The following SHQ1 variants were observed in gnomAD, a reference collection of about 807,000 sequenced individuals.
SHQ1 encodes the protein SHQ1, H/ACA ribonucleoprotein assembly factor.
A neutral mutation model predicts 53.8 loss-of-function variants in SHQ1; 49 were observed. That is an observed-to-expected ratio of 0.91 (90% CI 0.72 to 1.16). The LOEUF (loss-of-function observed/expected upper bound fraction) is 1.16. SHQ1 is among the 50% of genes most tolerant of loss of function. The pLI, the probability that SHQ1 is intolerant of heterozygous loss-of-function variation, is 0.00. For synonymous variants in SHQ1, 243 were observed against 251.0 expected (o/e 0.97, Z 0.30); for missense variants, 738 against 683.1 (o/e 1.08, Z -0.90).
intron 10 of SHQ1, among the ~76,000 whole-genome samples, chr3:72,775,506 G>GT (rs1364662993): frequency 4.2e-5 from 6 of 142,118 alleles, no homozygotes; most frequent in Non-Finnish European, 6.0e-5. Context: ...TTCAAGGAAT[G>GT]TATCATTTCA....
At chr3:72,779,397 C>T (rs1706027084) in intron 10 of SHQ1, among the ~76,000 whole-genome samples, 1 of 152,196 alleles carries the variant, frequency 6.6e-6, no homozygotes, top group Non-Finnish European at 1.5e-5. Context: ...CCTCCTTCTC[C>T]TCCTAATCCC....
At chr3:72,835,106 CT>C (rs761840255) in intron 4 of SHQ1, among the ~76,000 whole-genome samples, 1,321 of 130,774 alleles carry the variant, frequency 0.01, 9 homozygotes, top group African/African-American at 0.023. Flanking sequence ...CCATCAGCTT[CT>C]TTTTTTTTTT....
At chr3:72,769,132 A>G (rs1371352677) in intron 10 of SHQ1, among the ~76,000 whole-genome samples, 1 of 152,228 alleles carries the variant, frequency 6.6e-6, no homozygotes, top group East Asian at 1.9e-4. Context: ...GATGGAGTCT[A>G]GCAGGCAGGT....
chr3:72,765,773 G>A lies in SHQ1; in HGVS notation c.1182-14937C>T, dbSNP rs546844761. ...TCGCCATGTTGGCCAGGTTGGTCTC[G>A]AACTCCTGACCTCAGGTGATCTGCC... On this transcript the variant is annotated intron_variant, in intron 10 of 10. Transcript: ENST00000325599. Among the ~76,000 whole-genome samples the A allele has an allele frequency of 4.0e-5, 6 of 151,610 alleles. No homozygotes were observed. The South Asian group carries it at 1.0e-3, about 26-fold the overall frequency.
rs763540975 is a variant in SHQ1 at position 72,817,371 on chromosome 3, T to G, written c.741A>C (p.Glu247Asp). 10 of 1,609,524 alleles carry G rather than the reference T, an allele frequency of 6.2e-6. 1 individual carries two copies. The Admixed American group carries it at 1.7e-4, about 27-fold the overall frequency. ...ENHATLVSFS[E>D]EEKYQLRKFV... ...ATTTTCGTAGCTGATACTTCTCTTCTTCAGAAAAAGACACTAGAAGAAAAC... is the reference window on the plus strand; with the variant it reads ...ATTTTCGTAGCTGATACTTCTCTTCGTCAGAAAAAGACACTAGAAGAAAAC... The change falls in exon 7 of 11, where the codon GAA (glutamate) becomes GAC (aspartate). Residue 247 changes from glutamate (E) to aspartate (D), a missense_variant. Glu to Asp is a conservative substitution (Grantham distance 45). Transcript: ENST00000325599.
intron 10 of SHQ1, among the ~76,000 whole-genome samples, chr3:72,758,933 C>A (rs1209997059): frequency 1.3e-5 from 2 of 152,182 alleles, no homozygotes; most frequent in Non-Finnish European, 2.9e-5. Flanking sequence ...GGCAGAATCC[C>A]TTCCATGCCC....
intron 10 of SHQ1, among the ~76,000 whole-genome samples, chr3:72,772,155 G>A (rs1705867232): frequency 6.6e-6 from 1 of 152,010 alleles, no homozygotes; most frequent in African/African-American, 2.4e-5. Flanking sequence ...TGATTTAGTT[G>A]GGTTCGTCAG....
intron 1 of SHQ1, chr3:72,846,117 C>A: frequency 5.9e-6 from 7 of 1,193,006 alleles, no homozygotes; most frequent in Non-Finnish European, 8.3e-6. Context: ...AACAGGTGAG[C>A]ATTCAGAAAA....
intron 9 of SHQ1, among the ~76,000 whole-genome samples, chr3:72,802,123 C>A (rs1390089536): frequency 6.6e-6 from 1 of 152,200 alleles, no homozygotes; most frequent in Non-Finnish European, 1.5e-5. Flanking sequence ...CATGTAAGTA[C>A]TTTACATATG....
chr3:72,728,497 G>A, the SHQ1 span, among the ~76,000 whole-genome samples: 3 of 152,112 alleles, frequency 2.0e-5, no homozygotes, highest in Admixed American at 6.5e-5. Flanking sequence ...AATCTGAAAG[G>A]AGCAACAAGT....
intron 10 of SHQ1, among the ~76,000 whole-genome samples, chr3:72,790,971 TCC>T (rs1706414492): frequency 6.6e-6 from 1 of 152,154 alleles, no homozygotes; most frequent in Non-Finnish European, 1.5e-5. Flanking sequence ...TCACTTCATT[TCC>T]CACAACATAA....
At chr3:72,819,033 C>G (rs1441049489) in intron 6 of SHQ1, among the ~76,000 whole-genome samples, 1 of 152,164 alleles carries the variant, frequency 6.6e-6, no homozygotes, top group African/African-American at 2.4e-5. Flanking sequence ...TACAGCCTTG[C>G]AAGACCTTAC....
chr3:72,758,727 G>A (rs996332068), intron 10 of SHQ1, among the ~76,000 whole-genome samples: 1 of 151,698 alleles, frequency 6.6e-6, no homozygotes, highest in African/African-American at 2.4e-5. Flanking sequence ...TCACCACCAC[G>A]CCCGGCTAAT....
At chr3:72,815,031 A>C (rs1263013979) in intron 8 of SHQ1, among the ~76,000 whole-genome samples, 3 of 151,992 alleles carry the variant, frequency 2.0e-5, no homozygotes, top group African/African-American at 7.3e-5. Context: ...CTTATCACCT[A>C]GGTTTGCTTC....
chr3:72,740,391 G>T, the SHQ1 span, among the ~76,000 whole-genome samples: 31 of 152,306 alleles, frequency 2.0e-4, no homozygotes, highest in South Asian at 4.1e-3. Context: ...TCCAAATTGG[G>T]ATGAATTCAG....
intron 10 of SHQ1, among the ~76,000 whole-genome samples, chr3:72,785,715 G>A (rs1706211610): frequency 6.6e-6 from 1 of 152,144 alleles, no homozygotes; most frequent in African/African-American, 2.4e-5. Flanking sequence ...TTGCATACAT[G>A]TTCTCCTTGT....
At position 72,757,297 on chromosome 3, in the gene SHQ1, C is replaced by A. The variant is rs546957609; in HGVS notation, c.1182-6461G>T. Among the ~76,000 whole-genome samples, 7 of 152,078 alleles carry A rather than the reference C, an allele frequency of 4.6e-5. No homozygotes were observed. In the South Asian group the frequency reaches 6.2e-4, roughly 14 times the overall value. ...CAAACTGGATGCTTACTGGCTAACTCGGCCTTTTAATTTCATAGCATACAA... is the reference window on the plus strand; with the variant it reads ...CAAACTGGATGCTTACTGGCTAACTAGGCCTTTTAATTTCATAGCATACAA... On this transcript the variant is annotated intron_variant, in intron 10 of 10. Transcript: ENST00000325599.
chr3:72,825,584 A>G (rs1707627374), intron 5 of SHQ1, among the ~76,000 whole-genome samples: 1 of 152,132 alleles, frequency 6.6e-6, no homozygotes, highest in African/African-American at 2.4e-5. Flanking sequence ...TTCAAAATAC[A>G]CCTCTCACTC....
rs1478049113 is a variant in SHQ1, at chr3:72,753,967, T to A, written c.1182-3131A>T. ...ATGAAGGGGAGTTCTCTCTGGGTAG[T>A]GACACACAACTTAAGAAATAAAGAG... On this transcript the variant is annotated intron_variant, in intron 10 of 10. Transcript: ENST00000325599. 2.0e-5 allele frequency among the ~76,000 whole-genome samples: 3 copies of A among 152,202 alleles called. No individual in the cohort carries two copies. The East Asian group carries it at 5.8e-4, about 29-fold the overall frequency.
Sources: allele counts gnomAD v4.1 joint callset (sites outside exome capture counted in the v4.1 genomes callset), GRCh38; gene constraint gnomAD v4.1.1; transcripts MANE v1.5; gene names NCBI Gene and HGNC (gene_info 2026-07-23, HGNC 2026-07-21).